CYP11B2: variants seen among roughly 807,000 people sequenced by gnomAD.
The protein encoded by CYP11B2 is cytochrome P450 11B2, mitochondrial.
Under a neutral mutation model 49.3 loss-of-function variants are expected in CYP11B2, and 38 were observed. The observed-to-expected ratio is 0.77, with a 90% confidence interval of 0.59 to 1.01. CYP11B2 has a LOEUF of 1.01. CYP11B2 is among the 50% of genes least tolerant of loss of function. CYP11B2 has a pLI of 0.00. For missense variants in CYP11B2, 669 were observed against 655.5 expected, an observed-to-expected ratio of 1.02 and a Z score of -0.23; for synonymous variants, 290 against 269.3, an observed-to-expected ratio of 1.08 and a Z score of -0.75.
Position 142,913,422 on chromosome 8 carries a change from A to G in CYP11B2, c.984T>C (p.Phe328=). Residue 328 remains phenylalanine, a synonymous_variant, in exon 6 of 9, where the codon TTT becomes TTC. Coordinates refer to ENST00000323110, the MANE Select transcript of CYP11B2 (RefSeq NM_000498.3). ...TTAFPLLMTL[F]ELARNPDVQQ... ...GCACGTCGGGGTTCCGAGCCAGCTC[A>G]AAGAGCGTCATCAGCAAGGGAAACG... is the stretch of plus-strand genomic sequence containing the variant. The G allele has an allele frequency of 1.9e-6, 3 of 1,614,012 alleles. No homozygotes were observed. The highest frequency in any genetic ancestry group is 2.2e-5 in the South Asian group (2 of 91,074).
chr8:142,916,379 C>T (rs11781816), intron 2 of CYP11B2: 155,750 of 455,836 alleles, frequency 0.34, 29,814 homozygotes, highest in Non-Finnish European at 0.43. Context: ...CATCCTCATC[C>T]AGTCCTTCCC....
At chr8:142,912,389 C>T in intron 8 of CYP11B2, 141 bp downstream of exon 8, 3 of 1,004,676 alleles carry the variant, frequency 3.0e-6, no homozygotes, top group Non-Finnish European at 4.5e-6. Context: ...AGCACAGATC[C>T]TCCCTGGTCA....
At position 142,911,038 on chromosome 8, in the gene CYP11B2, T is replaced by C. The variant is rs911518164; in HGVS notation, c.*942A>G. 2.0e-5 allele frequency: 3 copies of C among 152,178 alleles called. No homozygotes were observed. Among genetic ancestry groups the C allele is most frequent in the African/African-American group, 2.4e-5 (1 of 41,416 alleles). 9.4% of individuals were successfully genotyped at this position (152,178 alleles called of 1,614,324 possible). A position where few individuals can be genotyped will look rare whatever the true frequency, so the allele number is the denominator to read the frequency against. On this transcript the variant is annotated 3_prime_UTR_variant, in exon 9 of 9. Transcript: ENST00000323110. ...AGATGAGGCCCAAGGCAGGTTCACG[T>C]AGGGAACTGCAGCCTCCCTGTGCCC...
intron 2 of CYP11B2, chr8:142,916,394 C>T (rs1817646134): frequency 2.2e-6 from 1 of 456,628 alleles, no homozygotes; most frequent in South Asian, 1.5e-5. Flanking sequence ...CTTCCCCCGT[C>T]CTAATGACAA....
chr8:142,917,549 G>A (rs772226668), intron 1 of CYP11B2, 53 bp downstream of exon 1: 36 of 1,613,664 alleles, frequency 2.2e-5, no homozygotes, highest in Non-Finnish European at 2.9e-5. Context: ...AGGGTCCTGG[G>A]CAGCAGGGGC....
At chr8:142,914,129 A>C in intron 5 of CYP11B2, 135 bp downstream of exon 5, 2 of 983,628 alleles carry the variant, frequency 2.0e-6, no homozygotes, top group Non-Finnish European at 3.2e-6. Context: ...AGGAGGGGGA[A>C]GGCTGAGGGC....
rs374863640 is a variant in CYP11B2 at position 142,913,428 on chromosome 8, C to G, written c.978G>C (p.Thr326=). ...VDTTAFPLLM[T]LFELARNPDV... is the part of the protein sequence containing the mutation. The stretch of plus-strand genomic sequence containing the variant: ...CGGGGTTCCGAGCCAGCTCAAAGAG[C>G]GTCATCAGCAAGGGAAACGCTGTCT... Residue 326 remains threonine (T), a synonymous_variant, in exon 6 of 9, where the codon ACG becomes ACC. Transcript: ENST00000323110. The G allele has an allele frequency of 6.2e-7, 1 of 1,614,032 alleles. No individual in the cohort carries two copies. Among genetic ancestry groups the G allele is most frequent in the South Asian group, 1.1e-5 (1 of 91,082 alleles).
Position 142,911,302 on chromosome 8 carries a change from G to C in CYP11B2, c.*678C>G, listed in dbSNP as rs1817530292. ...AACACTCGCTGCTTGAACAAGACCT[G>C]GTCCATGAAAGACGAGGCCTGGGGC... On this transcript the variant is annotated 3_prime_UTR_variant, in exon 9 of 9. Transcript: ENST00000323110. 6.5e-6 allele frequency: 1 copy of C among 152,896 alleles called. No individual in the cohort carries two copies. Among genetic ancestry groups the C allele is most frequent in the Non-Finnish European group, 1.5e-5 (1 of 68,634 alleles). The allele number at this position is 152,896 out of a possible 1,614,324, so 9.5% of individuals were successfully genotyped here.
chr8:142,914,067 T>C (rs1297042590), intron 5 of CYP11B2, 197 bp downstream of exon 5: 10 of 706,508 alleles, frequency 1.4e-5, no homozygotes, highest in South Asian at 6.0e-5. Context: ...CTCAGTCTCA[T>C]GTGAGGGGGA....
In CYP11B2 at chr8:142,915,144, C is replaced by G; in HGVS notation, c.497G>C (p.Arg166Thr). Residue 166 changes from arginine to threonine, a missense_variant, in exon 3 of 9, where the codon AGG (arginine) becomes ACG (threonine). Arg to Thr is a moderately conservative substitution (Grantham distance 71). Coordinates refer to ENST00000323110, the MANE Select transcript of CYP11B2 (RefSeq NM_000498.3). ...RFLPMVDAVA[R>T]DFSQALKKKV... ...CTTCTTCAGGGCCTGGGAGAAGTCCCTGGCCACTGCATCCACCATCGGGAG... is the reference window on the plus strand; with the variant it reads ...CTTCTTCAGGGCCTGGGAGAAGTCCGTGGCCACTGCATCCACCATCGGGAG... 1 of 1,614,048 alleles carries G rather than the reference C, an allele frequency of 6.2e-7. No individual in the cohort carries two copies.
In CYP11B2 at chr8:142,917,001, C is replaced by A. The variant is rs1056888689; in HGVS notation, c.395+58G>T. On this transcript the variant is annotated intron_variant, in intron 2 of 8. Coordinates refer to ENST00000323110, the MANE Select transcript of CYP11B2 (RefSeq NM_000498.3). ...TTGGGTCCTACCTCTCTCGCCTCCC[C>A]CCTACACCCAGGCTGCCCACCCTGC... 6.2e-5 allele frequency: 100 copies of A among 1,602,322 alleles called. No individual in the cohort carries two copies. The African/African-American group carries it at 1.2e-3, about 20-fold the overall frequency.
chr8:142,917,580 C>A, intron 1 of CYP11B2, 22 bp downstream of exon 1: 1 of 1,613,916 alleles, frequency 6.2e-7, no homozygotes, highest in Non-Finnish European at 8.5e-7. Flanking sequence ...GTGTTCCCAG[C>A]GAGGGCCAGG....
At chr8:142,912,978 C>T in intron 6 of CYP11B2, 93 bp from the exon 7 acceptor site, 1 of 1,349,550 alleles carries the variant, frequency 7.4e-7, no homozygotes, top group Non-Finnish European at 1.0e-6. Context: ...CGCAGAGGTC[C>T]CAGATCCATG....
chr8:142,913,102 G>A (rs938193849), intron 6 of CYP11B2, among the ~76,000 whole-genome samples, 183 bp downstream of exon 6: 52 of 151,784 alleles, frequency 3.4e-4, no homozygotes, highest in African/African-American at 1.2e-3. Flanking sequence ...TCCCCAGGGT[G>A]TTGAAGAGGG....
At position 142,912,740 on chromosome 8, in the gene CYP11B2, C is replaced by A; in HGVS notation, c.1201-13G>T. On this transcript the variant is annotated splice_polypyrimidine_tract_variant and intron_variant, in intron 7 of 8. Coordinates refer to ENST00000323110, the MANE Select transcript of CYP11B2 (RefSeq NM_000498.3). ...CCTGTACCAATGTCTGCGGACGGTG[C>A]AGAGCAGGGATCAGGGAATGACTGG... The A allele has an allele frequency of 6.2e-7, 1 of 1,613,814 alleles. No individual in the cohort carries two copies. The highest frequency in any genetic ancestry group is 1.1e-5 in the South Asian group (1 of 91,080).
intron 2 of CYP11B2, among the ~76,000 whole-genome samples, chr8:142,915,817 A>G (rs894757668): frequency 1.3e-5 from 2 of 151,618 alleles, no homozygotes; most frequent in African/African-American, 2.4e-5. Context: ...TGGGGGCTCC[A>G]TGGATGCCCC....
Position 142,912,086 on chromosome 8 carries a change from T to C in CYP11B2, c.1406A>G (p.Lys469Arg). 3.1e-6 allele frequency: 5 copies of C among 1,614,008 alleles called. No homozygotes were observed. Among genetic ancestry groups the C allele is most frequent in the Non-Finnish European group, 4.2e-6 (5 of 1,179,934 alleles). The change falls in exon 9 of 9, where the codon AAG becomes AGG. Residue 469 changes from lysine to arginine, a missense_variant. Transcript: ENST00000323110. The part of the protein sequence containing the change: ...EMLLLLHHVL[K>R]HFLVETLTQE... ...AGTTAGTGTCTCCACCAGGAAGTGC[T>C]TCAGCACCTAGGACAGAGGCTGGGT... is the stretch of plus-strand genomic sequence containing the variant.
At chr8:142,916,733 A>G (rs1817651933) in intron 2 of CYP11B2, among the ~76,000 whole-genome samples, 1 of 152,084 alleles carries the variant, frequency 6.6e-6, no homozygotes, top group African/African-American at 2.4e-5. Context: ...TTTCTGACCT[A>G]TGGGAAGGAC....
In CYP11B2 at chr8:142,914,807, AT is replaced by A. The variant is rs778219629; in HGVS notation, c.696del (p.Lys232AsnfsTer64). On this transcript the variant is annotated frameshift_variant, in exon 4 of 9. Transcript: ENST00000323110. LOFTEE classifies it high-confidence loss of function. ...GGCATGAACATGAGCTGGACGGTGG[AT>A]TTGAACATGACCTCCAGGGCATGGA... ...NFLHALEVMF[K>X]STVQLMFMPR... 1 of 1,613,644 alleles carries A rather than the reference AT, an allele frequency of 6.2e-7. No individual in the cohort carries two copies.
Sources: gnomAD v4.1 joint callset for allele counts (sites outside exome capture counted in the v4.1 genomes callset) on GRCh38, gnomAD v4.1.1 for gene constraint, MANE v1.5 for transcripts, NCBI Gene and HGNC (gene_info 2026-07-23, HGNC 2026-07-21) for gene names.